TFAP4: variants seen among roughly 807,000 people sequenced by gnomAD.
TFAP4 encodes the protein transcription factor AP-4.
A neutral mutation model predicts 40.4 loss-of-function variants in TFAP4; 7 were observed. That is an observed-to-expected ratio of 0.17 (90% CI 0.10 to 0.33). TFAP4 has a LOEUF of 0.33. Ranked by LOEUF, TFAP4 falls within the 10% of genes least tolerant of loss-of-function variation. TFAP4 has a pLI of 1.00. For missense variants in TFAP4, 374 were observed against 451.1 expected (o/e 0.83, Z 1.55); for synonymous variants, 218 against 181.4 (o/e 1.20, Z -1.62).
In TFAP4 at chr16:4,258,140, T is replaced by C; in HGVS notation, c.932A>G (p.Asp311Gly). The stretch of plus-strand genomic sequence containing the variant: ...TGAGGCCTCGGAGTCGGAGGCGGTG[T>C]CAGAGGTGGGGGCCTCCGGGCAGCT... The part of the protein sequence containing the change: ...VRSCPEAPTS[D>G]TASDSEASDS... Residue 311 changes from aspartate (D) to glycine (G), a missense_variant, in exon 7 of 7, where the codon GAC becomes GGC. This residue lies in a region of TFAP4 where 93 missense variants were observed against 79.2 expected (regional missense o/e 1.17). Coordinates refer to ENST00000204517, the MANE Select transcript of TFAP4 (RefSeq NM_003223.3). 1 of 1,613,464 alleles carries C rather than the reference T, an allele frequency of 6.2e-7. No homozygotes were observed. Among genetic ancestry groups the C allele is most frequent in the Non-Finnish European group, 8.5e-7 (1 of 1,179,776 alleles).
chr16:4,271,090 C>G (rs2053036483), intron 1 of TFAP4, among the ~76,000 whole-genome samples: 1 of 152,246 alleles, frequency 6.6e-6, no homozygotes, highest in South Asian at 2.1e-4. Flanking sequence ...CCAGGTGGGC[C>G]TCGTGCAAGG....
At chr16:4,272,637 G>C (rs566293955) in intron 1 of TFAP4, 21 bp downstream of exon 1, 31 of 1,584,408 alleles carry the variant, frequency 2.0e-5, no homozygotes, top group Middle Eastern at 1.9e-4. Context: ...GGAAGGGGGT[G>C]GGGGGAGGAG....
At chr16:4,270,192 G>C (rs1334794037) in intron 1 of TFAP4, among the ~76,000 whole-genome samples, 1 of 152,068 alleles carries the variant, frequency 6.6e-6, no homozygotes, top group Non-Finnish European at 1.5e-5. Context: ...AAAAAAGACT[G>C]AGTGTCATTT....
intron 1 of TFAP4, among the ~76,000 whole-genome samples, chr16:4,272,127 C>T (rs1002520197): frequency 3.3e-5 from 5 of 151,340 alleles, no homozygotes; most frequent in Non-Finnish European, 5.9e-5. Context: ...CCCCCGACCC[C>T]GCTGCAGCCC....
At chr16:4,258,852 G>A (rs2052921240) in intron 6 of TFAP4, 1 of 152,126 alleles carries the variant, frequency 6.6e-6, no homozygotes, top group African/African-American at 2.4e-5. Context: ...CCAACACTTT[G>A]GGAGGCCAAG....
chr16:4,261,247 T>C (rs1458771198), intron 4 of TFAP4, among the ~76,000 whole-genome samples: 1 of 151,560 alleles, frequency 6.6e-6, no homozygotes, highest in African/African-American at 2.4e-5. Context: ...GCTGGGATTA[T>C]AGGTGTGAGC....
rs71139626 is a variant in TFAP4, at chr16:4,272,954, A to ATGTGTGTGTGTGTGTGTGTGTGTGTGTG, written c.-236_-209dup. On this transcript the variant is annotated 5_prime_UTR_variant, in exon 1 of 7. Transcript: ENST00000204517. The stretch of plus-strand genomic sequence containing the variant: ...CCGGCCTGCCTCCCCGGGCGTGTGT[A>ATGTGTGTGTGTGTGTGTGTGTGTGTGTG]TGTGTGTGTGTGTGTGTGTGTGTGT... 5.8e-5 allele frequency: 9 copies of ATGTGTGTGTGTGTGTGTGTGTGTGTGTG among 155,576 alleles called. No homozygotes were observed. Among genetic ancestry groups the ATGTGTGTGTGTGTGTGTGTGTGTGTGTG allele is most frequent in the African/African-American group, 3.5e-4 (9 of 25,922 alleles). The allele number at this position is 155,576 out of a possible 1,614,324, so 9.6% of individuals were successfully genotyped here.
intron 4 of TFAP4, 90 bp downstream of exon 4, chr16:4,261,689 C>G: frequency 7.2e-7 from 1 of 1,395,028 alleles, no homozygotes; most frequent in Non-Finnish European, 9.4e-7. Flanking sequence ...GTAAATAGGG[C>G]TCCACCGAGG....
At chr16:4,272,051 G>A (rs1416812331) in intron 1 of TFAP4, among the ~76,000 whole-genome samples, 1 of 150,488 alleles carries the variant, frequency 6.6e-6, no homozygotes, top group South Asian at 2.1e-4. Flanking sequence ...CCCGGGCCGC[G>A]GCGCCCCTAC....
Position 4,261,933 on chromosome 16 carries a change from G to A in TFAP4, c.371C>T (p.Ser124Phe), listed in dbSNP as rs772135551. 1.9e-6 allele frequency: 3 copies of A among 1,608,968 alleles called. No homozygotes were observed. The highest frequency in any genetic ancestry group is 1.1e-5 in the South Asian group (1 of 90,400). The change falls in exon 4 of 7, where the codon TCC (serine) becomes TTC (phenylalanine). Residue 124 changes from serine to phenylalanine, a missense_variant. Around this residue, in one of 6 missense-constraint regions of TFAP4, gnomAD observed 51 missense variants for 91.1 expected, o/e 0.56. Coordinates refer to ENST00000204517, the MANE Select transcript of TFAP4 (RefSeq NM_003223.3). The part of the protein sequence containing the change: ...KRFIQELSGS[S>F]PKRRRAEDKD... ...GTCCTCTGCCCGCCGTCGCTTGGGGGACGAGCCGCTCAGCTCCTGGGGACC... is the reference window on the plus strand; with the variant it reads ...GTCCTCTGCCCGCCGTCGCTTGGGGAACGAGCCGCTCAGCTCCTGGGGACC...
intron 1 of TFAP4, among the ~76,000 whole-genome samples, chr16:4,269,336 AC>A (rs2053022271): frequency 6.6e-6 from 1 of 151,608 alleles, no homozygotes; most frequent in Non-Finnish European, 1.5e-5. Flanking sequence ...TAATTAAAAT[AC>A]AAAAAATTAG....
intron 1 of TFAP4, chr16:4,262,997 G>C (rs371823364): frequency 1.6e-4 from 63 of 382,656 alleles, no homozygotes; most frequent in African/African-American, 9.9e-4. Context: ...AACGTAGTGA[G>C]ACCCTGTCTC....
At chr16:4,270,822 GGCT>G (rs1447782070) in intron 1 of TFAP4, among the ~76,000 whole-genome samples, 2 of 152,172 alleles carry the variant, frequency 1.3e-5, no homozygotes, top group African/African-American at 4.8e-5. Flanking sequence ...TAGGCACAGC[GGCT>G]CAACTGCACC....
rs760880118 is a variant in TFAP4 at position 4,257,976 on chromosome 16, C to G, written c.*79G>C. ...ATCGTAATTTTGTAAAAATTTCTCA[C>G]TCATTCGCCCATGTCTCTCCCTGTG... On this transcript the variant is annotated 3_prime_UTR_variant, in exon 7 of 7. Transcript: ENST00000204517. 2 of 1,376,664 alleles carry G rather than the reference C, an allele frequency of 1.5e-6. No homozygotes were observed. Among genetic ancestry groups the G allele is most frequent in the Non-Finnish European group, 2.0e-6 (2 of 1,014,678 alleles). 85.3% of individuals were successfully genotyped at this position (1,376,664 alleles called of 1,614,324 possible).
At chr16:4,264,390 G>A (rs898007966) in intron 1 of TFAP4, 10 of 152,340 alleles carry the variant, frequency 6.6e-5, no homozygotes, top group African/African-American at 2.4e-4. Context: ...TCCCAATAGA[G>A]AGGTGTCCAA....
Position 4,262,430 on chromosome 16 carries a change from C to T in TFAP4, c.256-8G>A, listed in dbSNP as rs779850295. On this transcript the variant is annotated splice_polypyrimidine_tract_variant and splice_region_variant and intron_variant, in intron 2 of 6. Transcript: ENST00000204517. ...CTGCTGGAGAATGGCTGCCTGAGGG[C>T]GTGGAAAAGCCGAGAGTCAGGCTGG... 3 of 1,614,086 alleles carry T rather than the reference C, an allele frequency of 1.9e-6. No individual in the cohort carries two copies. Among genetic ancestry groups the T allele is most frequent in the Non-Finnish European group, 2.5e-6 (3 of 1,179,986 alleles).
At chr16:4,272,025 G>A (rs887173363) in intron 1 of TFAP4, among the ~76,000 whole-genome samples, 1 of 151,600 alleles carries the variant, frequency 6.6e-6, no homozygotes, top group Non-Finnish European at 1.5e-5. Flanking sequence ...GGGCGAGCGA[G>A]CGGCAGCCAA....
At chr16:4,269,978 C>T (rs932189012) in intron 1 of TFAP4, among the ~76,000 whole-genome samples, 17 of 152,102 alleles carry the variant, frequency 1.1e-4, no homozygotes, top group African/African-American at 4.1e-4. Flanking sequence ...GTCAGGGGTT[C>T]GAGACCAGCC....
rs374864714 is a variant in TFAP4 at position 4,262,934 on chromosome 16, G to T, written c.90-233C>A. 50 of 555,454 alleles carry T rather than the reference G, an allele frequency of 9.0e-5. No homozygotes were observed. The East Asian group carries it at 9.7e-4, about 11-fold the overall frequency. 34.4% of individuals were successfully genotyped at this position (555,454 alleles called of 1,614,324 possible). A position where few individuals can be genotyped will look rare whatever the true frequency, so the allele number is the denominator to read the frequency against. ...CCAGGCACAGTAATCCCAGTTCTTTGGGAGGTCAAGGCCAAGGATCATTGA... is the reference window on the plus strand; with the variant it reads ...CCAGGCACAGTAATCCCAGTTCTTTTGGAGGTCAAGGCCAAGGATCATTGA... On this transcript the variant is annotated intron_variant, in intron 1 of 6. Transcript: ENST00000204517.
Sources: gnomAD v4.1 joint callset for allele counts (sites outside exome capture counted in the v4.1 genomes callset) on GRCh38, gnomAD v4.1.1 for gene constraint, gnomAD v4.1.1 regional missense constraint, MANE v1.5 for transcripts, NCBI Gene and HGNC (gene_info 2026-07-23, HGNC 2026-07-21) for gene names.